Variants in USP24 observed in about 807,000 individuals in gnomAD.
USP24 encodes the protein ubiquitin carboxyl-terminal hydrolase 24.
A neutral mutation model predicts 361.6 loss-of-function variants in USP24; 97 were observed. The ratio of observed to expected loss-of-function variants is 0.27; its 90% CI spans 0.23 to 0.32. USP24 has a LOEUF of 0.32. USP24 is among the 10% of genes least tolerant of loss of function. The probability of loss-of-function intolerance (pLI) is 1.00; values close to 1 mark genes in which losing one functional copy is unlikely to be tolerated. For synonymous variants in USP24, 1,098 were observed against 1,124.6 expected (o/e 0.98, Z 0.47); for missense variants, 2,353 against 3,165.6 (o/e 0.74, Z 6.16).
intron 1 of USP24, among the ~76,000 whole-genome samples, chr1:55,198,369 G>C (rs1644474460): frequency 6.6e-6 from 1 of 152,214 alleles, no homozygotes; most frequent in Non-Finnish European, 1.5e-5. Context: ...TGAAGTCGGA[G>C]AGAATGAAAG....
chr1:55,192,631 A>T (rs1239372582), intron 1 of USP24, among the ~76,000 whole-genome samples: 1 of 152,234 alleles, frequency 6.6e-6, no homozygotes, highest in African/African-American at 2.4e-5. Context: ...AATTTATAAT[A>T]CCTTTCATTA....
chr1:55,202,367 G>A (rs906132707), intron 1 of USP24, among the ~76,000 whole-genome samples: 4 of 151,532 alleles, frequency 2.6e-5, no homozygotes, highest in African/African-American at 9.7e-5. Flanking sequence ...ATTAAATTAG[G>A]TGGTATACTG....
intron 28 of USP24, among the ~76,000 whole-genome samples, chr1:55,135,774 G>GA (rs138525320): frequency 0.02 from 3,091 of 151,582 alleles, 98 homozygotes; most frequent in African/African-American, 0.071. Context: ...AACCATAGGG[G>GA]AAAAAAAACC....
intron 1 of USP24, among the ~76,000 whole-genome samples, chr1:55,181,989 G>A (rs1386509937): frequency 6.6e-6 from 1 of 152,194 alleles, no homozygotes; most frequent in Non-Finnish European, 1.5e-5. Flanking sequence ...GGCCAGGTGA[G>A]GACACAGCAA....
intron 3 of USP24, 38 bp downstream of exon 3, chr1:55,176,338 G>C: frequency 1.6e-5 from 24 of 1,484,666 alleles, no homozygotes; most frequent in Non-Finnish European, 2.0e-5. Flanking sequence ...CCCCCACCCC[G>C]ACACACACAA....
chr1:55,169,396 A>C (rs945495075), intron 5 of USP24, among the ~76,000 whole-genome samples: 1 of 152,110 alleles, frequency 6.6e-6, no homozygotes, highest in African/African-American at 2.4e-5. Flanking sequence ...AATGGGGAAG[A>C]GGGAATATTT....
At chr1:55,078,848 G>A (rs1345283230) in intron 60 of USP24, among the ~76,000 whole-genome samples, 197 bp from the exon 61 acceptor site, 2 of 151,362 alleles carry the variant, frequency 1.3e-5, no homozygotes, top group Non-Finnish European at 2.9e-5. Context: ...ACAATTTTGT[G>A]CAAATGTGCA....
intron 45 of USP24, among the ~76,000 whole-genome samples, chr1:55,099,379 A>G (rs1277201626): frequency 2.0e-5 from 3 of 152,068 alleles, no homozygotes; most frequent in Non-Finnish European, 2.9e-5. Flanking sequence ...CAACATGGCG[A>G]AACCCAATCT....
At chr1:55,210,996 T>A (rs559541020) in intron 1 of USP24, among the ~76,000 whole-genome samples, 1 of 152,348 alleles carries the variant, frequency 6.6e-6, no homozygotes, top group African/African-American at 2.4e-5. Context: ...TAATGTTTGA[T>A]GGTATTCCTT....
intron 62 of USP24, among the ~76,000 whole-genome samples, chr1:55,076,006 A>G (rs893643399): frequency 6.6e-6 from 1 of 152,138 alleles, no homozygotes; most frequent in African/African-American, 2.4e-5. Flanking sequence ...ATACAAACAA[A>G]TATTACACGG....
At chr1:55,200,074 T>G (rs1254749832) in intron 1 of USP24, among the ~76,000 whole-genome samples, 2 of 152,226 alleles carry the variant, frequency 1.3e-5, no homozygotes, top group African/African-American at 2.4e-5. Context: ...GATTCAATTA[T>G]CTCCCACTGG....
At position 55,066,918 on chromosome 1, in the gene USP24, C is replaced by G. The variant is rs771502308; in HGVS notation, c.*2127G>C. The G allele has an allele frequency of 6.6e-6, 1 of 152,186 alleles. No homozygotes were observed. Among genetic ancestry groups the G allele is most frequent in the East Asian group, 1.9e-4 (1 of 5,184 alleles). 9.4% of individuals were successfully genotyped at this position (152,186 alleles called of 1,614,324 possible). A position where few individuals can be genotyped will look rare whatever the true frequency, so the allele number is the denominator to read the frequency against. ...GCCTGTCATAACTGTCACTGTTGTA[C>G]TACATTAAAAAAAGTCATCAGCAGG... On this transcript the variant is annotated 3_prime_UTR_variant, in exon 68 of 68. Transcript: ENST00000294383.
At chr1:55,120,214 T>C (rs943138162) in intron 38 of USP24, among the ~76,000 whole-genome samples, 2 of 152,188 alleles carry the variant, frequency 1.3e-5, no homozygotes, top group South Asian at 2.1e-4. Flanking sequence ...GCTAGGAGGA[T>C]ACCTTGGCTA....
intron 3 of USP24, among the ~76,000 whole-genome samples, chr1:55,176,070 T>C (rs919488479): frequency 6.6e-6 from 1 of 152,216 alleles, no homozygotes; most frequent in Non-Finnish European, 1.5e-5. Flanking sequence ...AATTAAGTCT[T>C]AATCTATTAA....
In USP24 at chr1:55,171,494, C is replaced by T. The variant is rs1649439209; in HGVS notation, c.825+62G>A. 5 of 1,523,242 alleles carry T rather than the reference C, an allele frequency of 3.3e-6. No homozygotes were observed. The South Asian group carries it at 6.2e-5, about 19-fold the overall frequency. 94.4% of individuals were successfully genotyped at this position (1,523,242 alleles called of 1,614,324 possible). A position where few individuals can be genotyped will look rare whatever the true frequency, so the allele number is the denominator to read the frequency against. ...CCCATGTAACTTGTCTTTTTTATAG[C>T]ACAGAAAATCTTCTTTTTCAATACA... On this transcript the variant is annotated intron_variant, in intron 5 of 67. Transcript: ENST00000294383.
At chr1:55,112,086 T>C (rs1334019917) in intron 38 of USP24, among the ~76,000 whole-genome samples, 4 of 152,028 alleles carry the variant, frequency 2.6e-5, no homozygotes, top group Non-Finnish European at 5.9e-5. Context: ...GAGGGAAAAT[T>C]AGAAAATATA....
chr1:55,096,197 A>T (rs1469216977), intron 50 of USP24, among the ~76,000 whole-genome samples: 1 of 152,220 alleles, frequency 6.6e-6, no homozygotes, highest in Admixed American at 6.5e-5. Flanking sequence ...ACTATTTTTA[A>T]GGTTCAATTT....
rs114988616 is a variant in USP24 at position 55,093,070 on chromosome 1, A to C, written c.6355-154T>G. ...CCCTTTCTCAAGTTTTGAACTTTTA[A>C]AAGAGGAGAGAGAAAACCTTCCTTT... On this transcript the variant is annotated intron_variant, in intron 52 of 67. Transcript: ENST00000294383. Among the ~76,000 whole-genome samples, 675 of 152,326 alleles carry C rather than the reference A, an allele frequency of 4.4e-3. 2 individuals carry two copies. The highest frequency in any genetic ancestry group is 0.016 in the African/African-American group (653 of 41,578).
intron 20 of USP24, 26 bp downstream of exon 20, chr1:55,145,972 A>C (rs1465319334): frequency 1.3e-6 from 2 of 1,517,942 alleles, no homozygotes; most frequent in South Asian, 1.1e-5. Context: ...AAGTACTGAA[A>C]AAAATGATTT....
Sources: gnomAD v4.1 joint callset for allele counts (sites outside exome capture counted in the v4.1 genomes callset) on GRCh38, gnomAD v4.1.1 for gene constraint, MANE v1.5 for transcripts, NCBI Gene and HGNC (gene_info 2026-07-23, HGNC 2026-07-21) for gene names.